The following SRPRB variants were observed in gnomAD, a reference collection of about 807,000 sequenced individuals.
SRPRB encodes signal recognition particle receptor subunit beta.
A neutral mutation model predicts 31.9 loss-of-function variants in SRPRB; 20 were observed. The observed-to-expected ratio is 0.63, with a 90% CI of 0.44 to 0.91. SRPRB has a LOEUF of 0.91. SRPRB is among the 40% of genes least tolerant of loss of function. SRPRB has a pLI of 0.00. For missense variants in SRPRB, 321 were observed against 324.9 expected (o/e 0.99, Z 0.09); for synonymous variants, 146 against 132.8 (o/e 1.10, Z -0.68).
downstream of SRPRB, among the ~76,000 whole-genome samples, chr3:133,823,341 C>G (rs1469000160): frequency 6.6e-6 from 1 of 152,216 alleles, no homozygotes; most frequent in African/African-American, 2.4e-5. Context: ...CTCACTGCAA[C>G]CTCTGCCTCC....
intron 1 of SRPRB, chr3:133,790,665 C>A (rs1415765778): frequency 6.6e-6 from 1 of 152,198 alleles, no homozygotes; most frequent in Non-Finnish European, 1.5e-5. Flanking sequence ...TTTGGCAATT[C>A]CTTTTTACTA....
At position 133,819,626 on chromosome 3, in the gene SRPRB, G is replaced by T; in HGVS notation, c.676G>T (p.Gly226Trp). ...TTCCAGCACTGCCCCTGCTCAGCTG[G>T]GGAAGAAAGGCAAAGAGTTTGAATT... ...DSSSTAPAQL[G>W]KKGKEFEFSQ... The change falls in exon 7 of 7, where the codon GGG becomes TGG. Residue 226 changes from glycine (G) to tryptophan (W), a missense_variant. Physicochemically the swap from Gly to Trp is radical, Grantham distance 184. Coordinates refer to ENST00000678299, the MANE Select transcript of SRPRB (RefSeq NM_001379313.1). 6.2e-7 allele frequency: 1 copy of T among 1,614,166 alleles called. No individual in the cohort carries two copies. Among genetic ancestry groups the T allele is most frequent in the Non-Finnish European group, 8.5e-7 (1 of 1,180,034 alleles).
At chr3:133,828,073 T>G (rs575572282), downstream of SRPRB, 2 of 676,246 alleles carry the variant, frequency 3.0e-6, no homozygotes, top group South Asian at 1.6e-5. Context: ...CCTTCAAGGC[T>G]TTTCAGGGAA....
intron 1 of SRPRB, chr3:133,794,420 T>A (rs192717185): frequency 7.9e-5 from 12 of 152,364 alleles, no homozygotes; most frequent in South Asian, 6.2e-4. Context: ...TTTCAGTGCA[T>A]GTTTTCTGGT....
intron 1 of SRPRB, chr3:133,792,468 A>G (rs1934865224): frequency 6.6e-6 from 1 of 152,208 alleles, no homozygotes; most frequent in African/African-American, 2.4e-5. Context: ...CAGCTCGGTA[A>G]GGCCTGAGAC....
At chr3:133,810,835 T>A in intron 3 of SRPRB, 1 of 297,330 alleles carries the variant, frequency 3.4e-6, no homozygotes, top group South Asian at 4.5e-5. Flanking sequence ...AGACAGGTTT[T>A]TCCTGTACCC....
At position 133,805,853 on chromosome 3, in the gene SRPRB, C is replaced by G. The variant is rs1457873122; in HGVS notation, c.5C>G (p.Ala2Gly). 2 of 1,609,192 alleles carry G rather than the reference C, an allele frequency of 1.2e-6. No individual in the cohort carries two copies. Among genetic ancestry groups the G allele is most frequent in the Non-Finnish European group, 1.7e-6 (2 of 1,177,604 alleles). M[A>G]SADSRRVADG... Reference sequence around the variant, plus strand: ...CGGGGACCACGCGTCTCATCCATGGCTTCCGCGGACTCGCGCCGGGTGGCA... The same window carrying G: ...CGGGGACCACGCGTCTCATCCATGGGTTCCGCGGACTCGCGCCGGGTGGCA... Residue 2 changes from alanine to glycine, a missense_variant, in exon 1 of 7, where the codon GCT becomes GGT. Coordinates refer to ENST00000678299, the MANE Select transcript of SRPRB (RefSeq NM_001379313.1).
At chr3:133,802,030 T>C (rs1403408002), upstream of SRPRB, among the ~76,000 whole-genome samples, 1 of 152,210 alleles carries the variant, frequency 6.6e-6, no homozygotes, top group African/African-American at 2.4e-5. Context: ...CATTACTATA[T>C]ATCCTTGGGG....
downstream of SRPRB, chr3:133,827,955 C>T (rs974317800): frequency 4.0e-5 from 28 of 702,962 alleles, no homozygotes; most frequent in African/African-American, 8.7e-5. Flanking sequence ...CTATAAACCA[C>T]GCACCACGCA....
chr3:133,806,567 C>T (rs984509191), intron 1 of SRPRB, 42 bp from the exon 2 acceptor site: 15 of 1,540,140 alleles, frequency 9.7e-6, no homozygotes, highest in Non-Finnish European at 1.3e-5. Flanking sequence ...ATACTGATTC[C>T]CAAGGCGTAA....
At chr3:133,818,745 CA>C (rs1214372658) in intron 6 of SRPRB, among the ~76,000 whole-genome samples, 1 of 151,218 alleles carries the variant, frequency 6.6e-6, no homozygotes, top group African/African-American at 2.4e-5. Context: ...AAGAGGTCAG[CA>C]ATATCCAGTT....
chr3:133,804,365 A>G (rs1445690412), upstream of SRPRB, among the ~76,000 whole-genome samples: 1 of 152,100 alleles, frequency 6.6e-6, no homozygotes, highest in Non-Finnish European at 1.5e-5. Context: ...AGAAAATAAT[A>G]TTTATTCTGG....
intron 4 of SRPRB, among the ~76,000 whole-genome samples, chr3:133,811,839 C>A (rs767859559): frequency 3.3e-5 from 5 of 152,152 alleles, no homozygotes; most frequent in Non-Finnish European, 7.3e-5. Flanking sequence ...GCCTCAGCCT[C>A]CCAAAGTGCT....
chr3:133,814,212 A>T (rs1326026008), intron 4 of SRPRB, among the ~76,000 whole-genome samples: 1 of 151,266 alleles, frequency 6.6e-6, no homozygotes, highest in Admixed American at 6.6e-5. Flanking sequence ...GCTCGCTGCA[A>T]GCTCTGCCTC....
chr3:133,792,603 G>C (rs895863477), intron 1 of SRPRB: 2 of 152,148 alleles, frequency 1.3e-5, no homozygotes, highest in South Asian at 4.1e-4. Flanking sequence ...AACTCGCTAA[G>C]AGTTAACATT....
intron 1 of SRPRB, chr3:133,785,444 G>C (rs1934648859): frequency 7.5e-6 from 1 of 132,898 alleles, no homozygotes; most frequent in Admixed American, 7.1e-5. Context: ...CGGGAGGGAG[G>C]TGGGGGGGTC....
Position 133,805,860 on chromosome 3 carries a change from G to C in SRPRB, c.12G>C (p.Ala4=), listed in dbSNP as rs1007265843. Reference sequence around the variant, plus strand: ...CACGCGTCTCATCCATGGCTTCCGCGGACTCGCGCCGGGTGGCAGATGGCG... The same window carrying C: ...CACGCGTCTCATCCATGGCTTCCGCCGACTCGCGCCGGGTGGCAGATGGCG... MAS[A]DSRRVADGGG... is the part of the protein sequence containing the mutation. Residue 4 remains alanine (A), a synonymous_variant, in exon 1 of 7, where the codon GCG becomes GCC. Transcript: ENST00000678299. 2 of 1,610,972 alleles carry C rather than the reference G, an allele frequency of 1.2e-6. No homozygotes were observed. Among genetic ancestry groups the C allele is most frequent in the African/African-American group, 2.7e-5 (2 of 74,872 alleles).
intron 5 of SRPRB, among the ~76,000 whole-genome samples, chr3:133,816,292 C>A (rs1319375536): frequency 1.3e-5 from 2 of 152,126 alleles, no homozygotes; most frequent in African/African-American, 4.8e-5. Context: ...CAGAAGTGAC[C>A]AGATAATATT....
chr3:133,827,663 G>A, downstream of SRPRB: 1 of 554,374 alleles, frequency 1.8e-6, no homozygotes, highest in Non-Finnish European at 3.2e-6. Context: ...CAACAAATCA[G>A]CTTTTCCAGA....
Sources: gnomAD v4.1 joint callset for allele counts (sites outside exome capture counted in the v4.1 genomes callset) on GRCh38, gnomAD v4.1.1 for gene constraint, MANE v1.5 for transcripts, NCBI Gene and HGNC (gene_info 2026-07-23, HGNC 2026-07-21) for gene names.